DRC11: variants seen among roughly 807,000 people sequenced by gnomAD.
DRC11 encodes dynein regulatory complex subunit 11, also known as IQ and AAA domain-containing protein 1.
the DRC11 span, among the ~76,000 whole-genome samples, chr2:236,485,236 T>C: frequency 6.6e-6 from 1 of 151,956 alleles, no homozygotes; most frequent in South Asian, 2.1e-4. Context: ...TACATATATA[T>C]ATGTCATATA....
the DRC11 span, chr2:236,346,692 T>C: frequency 3.5e-5 from 6 of 169,204 alleles, no homozygotes; most frequent in African/African-American, 1.4e-4. Context: ...ACACCAAGAA[T>C]GTCAGGTGAC....
At chr2:236,461,607 G>A in the DRC11 span, among the ~76,000 whole-genome samples, 1 of 152,182 alleles carries the variant, frequency 6.6e-6, no homozygotes, top group Non-Finnish European at 1.5e-5. The surrounding 1 kb of genome is among the most constrained non-coding windows in gnomAD (Gnocchi z 4.0). Flanking sequence ...TTACATGAGA[G>A]AGGGGGCATC....
chr2:236,477,920 C>G, the DRC11 span, among the ~76,000 whole-genome samples: 4 of 151,894 alleles, frequency 2.6e-5, no homozygotes, highest in South Asian at 4.1e-4. Flanking sequence ...TTTTGGTCTT[C>G]TCTCTTTTTT....
the DRC11 span, among the ~76,000 whole-genome samples, chr2:236,343,024 G>A: frequency 1.6e-4 from 24 of 152,296 alleles, no homozygotes; most frequent in African/African-American, 5.1e-4. The surrounding 1 kb of genome is among the most constrained non-coding windows in gnomAD (Gnocchi z 6.6). Flanking sequence ...CAGGGTTTGC[G>A]GGAATCGGGG....
the DRC11 span, among the ~76,000 whole-genome samples, chr2:236,379,010 C>G: frequency 6.6e-6 from 1 of 152,190 alleles, no homozygotes; most frequent in East Asian, 1.9e-4. Flanking sequence ...AACCCACACT[C>G]CCCCGACTGT....
At chr2:236,504,196 CGGTGG>C in the DRC11 span, among the ~76,000 whole-genome samples, 8 of 134,790 alleles carry the variant, frequency 5.9e-5, no homozygotes, top group African/African-American at 2.8e-4. This position sits in a 1 kb window ranked among gnomAD's most constrained non-coding sequence, Gnocchi z 5.0. Flanking sequence ...AATTACACGG[CGGTGG>C]GGGGGGGCGT....
chr2:236,336,649 C>G, the DRC11 span, among the ~76,000 whole-genome samples: 1 of 152,204 alleles, frequency 6.6e-6, no homozygotes, highest in Admixed American at 6.5e-5. This position sits in a 1 kb window ranked among gnomAD's most constrained non-coding sequence, Gnocchi z 7.3. Flanking sequence ...CCCACACTGC[C>G]TCCACCCCTA....
chr2:236,317,186 C>T, the DRC11 span, among the ~76,000 whole-genome samples: 2 of 152,046 alleles, frequency 1.3e-5, no homozygotes, highest in Non-Finnish European at 2.9e-5. This position sits in a 1 kb window ranked among gnomAD's most constrained non-coding sequence, Gnocchi z 5.4. Flanking sequence ...GTCCCGGCTA[C>T]TCAGGAGGCT....
chr2:236,433,800 TG>T, the DRC11 span, among the ~76,000 whole-genome samples: 3 of 152,188 alleles, frequency 2.0e-5, no homozygotes, highest in Non-Finnish European at 4.4e-5. Flanking sequence ...TAAATAATAG[TG>T]GTGATGATGG....
the DRC11 span, among the ~76,000 whole-genome samples, chr2:236,315,397 C>T: frequency 2.6e-5 from 4 of 152,190 alleles, no homozygotes; most frequent in African/African-American, 4.8e-5. This position sits in a 1 kb window ranked among gnomAD's most constrained non-coding sequence, Gnocchi z 5.1. Flanking sequence ...GTTTTTACAC[C>T]GTTGGTGGGA....
chr2:236,373,109 T>C, the DRC11 span, among the ~76,000 whole-genome samples: 1 of 152,144 alleles, frequency 6.6e-6, no homozygotes, highest in African/African-American at 2.4e-5. Context: ...TATTTTTATT[T>C]GCTCTTGTAT....
chr2:236,331,697 T>A, the DRC11 span: 1 of 829,430 alleles, frequency 1.2e-6, no homozygotes, highest in Non-Finnish European at 1.9e-6. The surrounding 1 kb of genome is among the most constrained non-coding windows in gnomAD (Gnocchi z 4.8). Context: ...AAGAAAGGAA[T>A]ACACAGAAGT....
At chr2:236,397,211 T>C in the DRC11 span, among the ~76,000 whole-genome samples, 4 of 152,382 alleles carry the variant, frequency 2.6e-5, no homozygotes, top group African/African-American at 9.6e-5. The surrounding 1 kb of genome is among the most constrained non-coding windows in gnomAD (Gnocchi z 5.0). Context: ...CATATGCTAC[T>C]TCTTGATTTA....
At chr2:236,483,241 T>A in the DRC11 span, among the ~76,000 whole-genome samples, 1 of 152,216 alleles carries the variant, frequency 6.6e-6, no homozygotes, top group African/African-American at 2.4e-5. The surrounding 1 kb of genome is among the most constrained non-coding windows in gnomAD (Gnocchi z 4.8). Flanking sequence ...AGCTGAATAA[T>A]ATTCCACCCA....
the DRC11 span, among the ~76,000 whole-genome samples, chr2:236,481,494 T>C: frequency 1.3e-5 from 2 of 152,156 alleles, no homozygotes; most frequent in Non-Finnish European, 2.9e-5. Context: ...CATCCTTAAA[T>C]CTGAGTTATG....
chr2:236,428,106 T>A, the DRC11 span, among the ~76,000 whole-genome samples: 1 of 152,210 alleles, frequency 6.6e-6, no homozygotes, highest in Non-Finnish European at 1.5e-5. Flanking sequence ...ATACTTCATA[T>A]GATTTTGATC....
the DRC11 span, among the ~76,000 whole-genome samples, chr2:236,337,555 G>A: frequency 9.2e-5 from 14 of 152,192 alleles, no homozygotes; most frequent in Non-Finnish European, 1.6e-4. This position sits in a 1 kb window ranked among gnomAD's most constrained non-coding sequence, Gnocchi z 4.9. Context: ...CGACTTGTCA[G>A]GGTCACCCAG....
the DRC11 span, among the ~76,000 whole-genome samples, chr2:236,459,637 G>GTATATACA: frequency 8.0e-6 from 1 of 125,730 alleles, no homozygotes; most frequent in African/African-American, 3.0e-5. Flanking sequence ...ACGTATATAC[G>GTATATACA]TATATACGTA....
At chr2:236,379,159 G>C in the DRC11 span, among the ~76,000 whole-genome samples, 1 of 152,224 alleles carries the variant, frequency 6.6e-6, no homozygotes, top group Non-Finnish European at 1.5e-5. Context: ...CCCTCACTGA[G>C]CTTCCCTCCA....
Sources: gnomAD v4.1 joint callset for allele counts (sites outside exome capture counted in the v4.1 genomes callset) on GRCh38, gnomAD v4.1.1 for gene constraint, Gnocchi (gnomAD v3.1) non-coding constraint, MANE v1.5 for transcripts, NCBI Gene and HGNC (gene_info 2026-07-23, HGNC 2026-07-21) for gene names.